Variants in TIMM23B observed in about 807,000 individuals in gnomAD.
The protein encoded by TIMM23B is translocase of inner mitochondrial membrane 23 homolog B.
A neutral mutation model predicts 27.3 loss-of-function variants in TIMM23B; 27 were observed. The ratio of observed to expected loss-of-function variants is 0.99; its 90% confidence interval spans 0.73 to 1.36. TIMM23B has a LOEUF of 1.36. Ranked by LOEUF, TIMM23B falls within the 40% of genes most tolerant of loss-of-function variation. TIMM23B has a pLI of 0.00. For missense variants in TIMM23B, 205 were observed against 244.2 expected (o/e 0.84, Z 1.07); for synonymous variants, 73 against 92.4 (o/e 0.79, Z 1.21).
Position 49,957,422 on chromosome 10 carries a change from T to A in TIMM23B, c.404-948T>A, listed in dbSNP as rs1351500423. Among the ~76,000 whole-genome samples, 267 of 152,138 alleles carry A rather than the reference T, an allele frequency of 1.8e-3. 9 individuals carry two copies. In the East Asian group the frequency reaches 0.031, roughly 18 times the overall value. ...GCACCACCATGCCAACTAATTTTTT[T>A]AAAAATTTTTTTGGAGAAGGGGGTA... On this transcript the variant is annotated intron_variant, in intron 5 of 6. Transcript: ENST00000651259.
intron 1 of TIMM23B, 144 bp from the exon 2 acceptor site, chr10:49,944,888 G>T (rs1839307397): frequency 3.7e-6 from 3 of 802,418 alleles, no homozygotes; most frequent in Non-Finnish European, 6.3e-6. Context: ...CTGACAGATA[G>T]GGAGGATAAA....
rs1278107651 is a variant in TIMM23B at position 49,952,466 on chromosome 10, A to G, written c.277A>G (p.Met93Val). Residue 93 changes from methionine to valine, a missense_variant, in exon 4 of 7, where the codon ATG (methionine) becomes GTG (valine). By Grantham distance (21) the Met-to-Val change is conservative. Transcript: ENST00000651259. ...CCMTGAAFGAMNGLRLGLKET... is the reference protein window; with the variant it reads ...CCMTGAAFGAVNGLRLGLKET... ...TTTACCAGGGGCTGCGTTTGGGGCA[A>G]TGAATGGTCTTCGGCTAGGATTGAA... 247 of 1,613,286 alleles carry G rather than the reference A, an allele frequency of 1.5e-4. 1 individual carries two copies. The highest frequency in any genetic ancestry group is 3.7e-4 in the Admixed American group (22 of 59,964).
intron 5 of TIMM23B, among the ~76,000 whole-genome samples, chr10:49,956,547 TC>T (rs1839732900): frequency 6.9e-6 from 1 of 145,432 alleles, no homozygotes; most frequent in Non-Finnish European, 1.5e-5. Context: ...TCCTGAGACT[TC>T]CTAGCGGTAC....
intron 6 of TIMM23B, among the ~76,000 whole-genome samples, chr10:49,963,180 G>A (rs1463029748): frequency 3.9e-4 from 59 of 152,270 alleles, no homozygotes; most frequent in African/African-American, 1.2e-3. Flanking sequence ...GCGATAGAGC[G>A]AGTCTGTCTC....
chr10:49,952,286 A>G (rs1346433494), intron 3 of TIMM23B, 67 bp downstream of exon 3: 18,112 of 1,503,818 alleles, frequency 0.012, 146 homozygotes, highest in African/African-American at 0.031. Flanking sequence ...TAAAATCAAA[A>G]GCAATTAGAA....
At chr10:49,954,833 G>A (rs1206665174) in intron 4 of TIMM23B, among the ~76,000 whole-genome samples, 169 bp from the exon 5 acceptor site, 2 of 150,964 alleles carry the variant, frequency 1.3e-5, no homozygotes, top group Non-Finnish European at 2.9e-5. Context: ...TTTCACTTAT[G>A]TAGAGTAAAA....
chr10:49,952,097 C>T (rs2133063607), intron 2 of TIMM23B, 29 bp from the exon 3 acceptor site: 9 of 1,518,472 alleles, frequency 5.9e-6, no homozygotes, highest in African/African-American at 1.4e-5. Context: ...GAGGGACACT[C>T]AGCTTGGTTT....
At chr10:49,955,134 T>A in intron 5 of TIMM23B, 74 bp downstream of exon 5, 3 of 1,478,120 alleles carry the variant, frequency 2.0e-6, no homozygotes, top group Non-Finnish European at 2.8e-6. Context: ...AACAATTTGA[T>A]CAACCCATAT....
intron 2 of TIMM23B, among the ~76,000 whole-genome samples, chr10:49,949,196 C>CTTTTTTT: frequency 1.1e-5 from 1 of 94,158 alleles, no homozygotes; most frequent in Non-Finnish European, 2.3e-5. Flanking sequence ...CCATGCCTGG[C>CTTTTTTT]CTTTTTTTTT....
chr10:49,971,037 G>A (rs189059335), intron 6 of TIMM23B, among the ~76,000 whole-genome samples: 5 of 152,202 alleles, frequency 3.3e-5, no homozygotes, highest in South Asian at 2.1e-4. Context: ...CCCCCAACCC[G>A]GTGCTCTCTG....
At position 49,942,072 on chromosome 10, in the gene TIMM23B, A is replaced by C; in HGVS notation, c.-123A>C. The C allele has an allele frequency of 1.5e-6, 2 of 1,294,010 alleles. No homozygotes were observed. The highest frequency in any genetic ancestry group is 1.5e-5 in the South Asian group (1 of 66,310). The allele number at this position is 1,294,010 out of a possible 1,614,324, so 80.2% of individuals were successfully genotyped here. A position where few individuals can be genotyped will look rare whatever the true frequency, so the allele number is the denominator to read the frequency against. On this transcript the variant is annotated 5_prime_UTR_variant, in exon 1 of 7. Transcript: ENST00000651259. ...GCGCTTAACGGGAACCGGCGCCCGG[A>C]ATGTCAGCGTGTGAAGTAGGCGCTG...
chr10:49,950,005 T>C (rs1839474584), intron 2 of TIMM23B, among the ~76,000 whole-genome samples: 2 of 152,136 alleles, frequency 1.3e-5, no homozygotes, highest in African/African-American at 2.4e-5. Context: ...TGATACAGTA[T>C]TGTAGTTTCT....
At chr10:49,942,368 C>T (rs1839145580) in intron 1 of TIMM23B, 68 bp downstream of exon 1, 4 of 1,557,930 alleles carry the variant, frequency 2.6e-6, no homozygotes, top group African/African-American at 2.7e-5. Flanking sequence ...GTTGCGCGTC[C>T]CATGTTTTAT....
At position 49,945,047 on chromosome 10, in the gene TIMM23B, C is replaced by T. The variant is rs1490949490; in HGVS notation, c.122C>T (p.Pro41Leu). Residue 41 changes from proline (P) to leucine (L), a missense_variant, in exon 2 of 7, where the codon CCT becomes CTT. Coordinates refer to ENST00000651259, the MANE Select transcript of TIMM23B (RefSeq NM_001290117.2). ...TTCTCTCTAGTAACTGGTATGAACCCTCTGTGTCCTTATTTAAATGTGGAT... is the reference window on the plus strand; with the variant it reads ...TTCTCTCTAGTAACTGGTATGAACCTTCTGTGTCCTTATTTAAATGTGGAT... ...LAGVPLTGMN[P>L]LCPYLNVDPR... 1.4e-5 allele frequency: 23 copies of T among 1,598,558 alleles called. No individual in the cohort carries two copies. The highest frequency in any genetic ancestry group is 8.9e-5 in the East Asian group (4 of 44,838).
intron 6 of TIMM23B, among the ~76,000 whole-genome samples, chr10:49,962,495 C>T (rs1293385784): frequency 2.0e-4 from 30 of 152,282 alleles, no homozygotes; most frequent in Middle Eastern, 3.4e-3. Flanking sequence ...ACCACCACGC[C>T]GGGCCAAGCC....
intron 6 of TIMM23B, 108 bp from the exon 7 acceptor site, chr10:49,972,903 GA>G: frequency 1.3e-6 from 1 of 755,014 alleles, no homozygotes; most frequent in Non-Finnish European, 2.2e-6. Flanking sequence ...TTGTCAGAAT[GA>G]AAGCCTGGCA....
At chr10:49,955,105 A>C in intron 5 of TIMM23B, 45 bp downstream of exon 5, 1 of 1,579,598 alleles carries the variant, frequency 6.3e-7, no homozygotes, top group Non-Finnish European at 8.7e-7. Flanking sequence ...ACTTAAAGAA[A>C]GAATGCACAA....
At chr10:49,946,367 T>TA (rs1231755625) in intron 2 of TIMM23B, among the ~76,000 whole-genome samples, 1 of 152,178 alleles carries the variant, frequency 6.6e-6, no homozygotes, top group African/African-American at 2.4e-5. Context: ...CCAGGGCAAT[T>TA]AGTCAAGTAC....
intron 1 of TIMM23B, 92 bp from the exon 2 acceptor site, chr10:49,944,940 G>C: frequency 6.6e-7 from 1 of 1,515,962 alleles, no homozygotes; most frequent in South Asian, 1.2e-5. Flanking sequence ...TATAAAAATT[G>C]CAAACACATG....
Sources: allele counts gnomAD v4.1 joint callset (sites outside exome capture counted in the v4.1 genomes callset), GRCh38; gene constraint gnomAD v4.1.1; transcripts MANE v1.5; gene names NCBI Gene and HGNC (gene_info 2026-07-23, HGNC 2026-07-21).